Variants in UBE2R2 observed in about 807,000 individuals in gnomAD.
UBE2R2 encodes the protein ubiquitin-conjugating enzyme E2 R2.
UBE2R2 carries 1 observed loss-of-function variant against 27.8 expected under a neutral mutation model. The observed-to-expected ratio is 0.04, with a 90% CI of 0.01 to 0.17. UBE2R2 has a LOEUF of 0.17. Among genes scored for constraint, UBE2R2 ranks in the 10% least tolerant of loss-of-function variants. UBE2R2 has a pLI of 1.00. For missense variants in UBE2R2, 100 were observed against 291.0 expected (o/e 0.34, Z 4.78); for synonymous variants, 106 against 113.3 (o/e 0.94, Z 0.41).
At chr9:33,887,553 T>G (rs899542507) in intron 2 of UBE2R2, among the ~76,000 whole-genome samples, 2 of 152,380 alleles carry the variant, frequency 1.3e-5, no homozygotes, top group Middle Eastern at 6.8e-3. Flanking sequence ...ATAAGGATAC[T>G]AGAATAATGC....
chr9:33,914,035 T>G (rs941034994), intron 4 of UBE2R2, among the ~76,000 whole-genome samples: 4 of 152,210 alleles, frequency 2.6e-5, no homozygotes, highest in African/African-American at 9.6e-5. Flanking sequence ...TATTTCTTAA[T>G]TTGTTTAAGG....
Position 33,918,355 on chromosome 9 carries a change from G to A in UBE2R2, c.*1118G>A, listed in dbSNP as rs1587489468. ...TAGTGAAAAACTTGGATGTGTGTGA[G>A]ACGAGTTACCGCCTTCTTCATTGGA... is the stretch of plus-strand genomic sequence containing the variant. On this transcript the variant is annotated 3_prime_UTR_variant, in exon 5 of 5. Transcript: ENST00000263228. 1 of 152,140 alleles carries A rather than the reference G, an allele frequency of 6.6e-6. No homozygotes were observed. The highest frequency in any genetic ancestry group is 1.5e-5 in the Non-Finnish European group (1 of 68,020). The allele number at this position is 152,140 out of a possible 1,614,324, so 9.4% of individuals were successfully genotyped here.
intron 1 of UBE2R2, among the ~76,000 whole-genome samples, chr9:33,879,973 C>T (rs1419287177): frequency 2.0e-5 from 3 of 151,636 alleles, no homozygotes; most frequent in Admixed American, 2.0e-4. Flanking sequence ...GCCTCAACCT[C>T]CCAAACTTAA....
chr9:33,912,937 CCT>C (rs1255469869), intron 4 of UBE2R2, among the ~76,000 whole-genome samples: 1 of 152,018 alleles, frequency 6.6e-6, no homozygotes, highest in Non-Finnish European at 1.5e-5. Context: ...CTACCCTCCA[CCT>C]CTTTTTTATT....
chr9:33,879,274 G>A (rs538299714), intron 1 of UBE2R2, among the ~76,000 whole-genome samples: 7 of 152,200 alleles, frequency 4.6e-5, no homozygotes, highest in Admixed American at 4.6e-4. Flanking sequence ...TTAAGTAAGG[G>A]TCGCTTAAGA....
chr9:33,860,414 CT>C (rs972123295), intron 1 of UBE2R2, among the ~76,000 whole-genome samples: 1 of 152,120 alleles, frequency 6.6e-6, no homozygotes, highest in Non-Finnish European at 1.5e-5. Context: ...CCCTACCACT[CT>C]TTGGCTGTGT....
chr9:33,825,843 C>CTT (rs1253780248), intron 1 of UBE2R2, among the ~76,000 whole-genome samples: 1 of 152,094 alleles, frequency 6.6e-6, no homozygotes, highest in African/African-American at 2.4e-5. Context: ...ACAGAGATAT[C>CTT]TGAGTTGGTT....
chr9:33,848,677 C>G (rs1462490070), intron 1 of UBE2R2, among the ~76,000 whole-genome samples: 1 of 151,712 alleles, frequency 6.6e-6, no homozygotes, highest in Non-Finnish European at 1.5e-5. Flanking sequence ...TCTCGGCTCG[C>G]TGCAACCTCT....
intron 3 of UBE2R2, among the ~76,000 whole-genome samples, chr9:33,902,198 C>G (rs780804202): frequency 5.9e-5 from 9 of 151,980 alleles, no homozygotes; most frequent in Non-Finnish European, 8.8e-5. Flanking sequence ...ATAGGTGTGC[C>G]CCAAAGCACC....
intron 1 of UBE2R2, among the ~76,000 whole-genome samples, chr9:33,869,420 A>G (rs565875862): frequency 1.9e-4 from 26 of 135,564 alleles, no homozygotes; most frequent in African/African-American, 4.1e-4. Flanking sequence ...TACATATACA[A>G]TGTTTTATTT....
chr9:33,817,784 G>C lies in UBE2R2; in HGVS notation c.27G>C (p.Ser9=). 6.2e-7 allele frequency: 1 copy of C among 1,601,534 alleles called. No individual in the cohort carries two copies. Among genetic ancestry groups the C allele is most frequent in the South Asian group, 1.1e-5 (1 of 89,856 alleles). The change falls in exon 1 of 5, where the codon TCG becomes TCC. Residue 9 remains serine, a synonymous_variant. Coordinates refer to ENST00000263228, the MANE Select transcript of UBE2R2 (RefSeq NM_017811.4). ...TGGCCCAGCAGCAGATGACCAGCTC[G>C]CAGAAGGCCCTGATGCTCGAGCTGA... MAQQQMTS[S]QKALMLELKS...
chr9:33,846,043 G>A (rs1360651420), intron 1 of UBE2R2, among the ~76,000 whole-genome samples: 1 of 151,472 alleles, frequency 6.6e-6, no homozygotes. Context: ...GGAAAATGGC[G>A]TGAACTCGGG....
Position 33,900,155 on chromosome 9 carries a change from T to A in UBE2R2, c.265-19T>A, listed in dbSNP as rs975187403. 6.3e-7 allele frequency: 1 copy of A among 1,596,312 alleles called. No homozygotes were observed. The highest frequency in any genetic ancestry group is 1.1e-5 in the South Asian group (1 of 90,420). ...TCACTTTTTGAGTATTTACTGAATG[T>A]AATGTTTGTGTCTTGTAGAATGGAG... On this transcript the variant is annotated intron_variant, in intron 2 of 4. Coordinates refer to ENST00000263228, the MANE Select transcript of UBE2R2 (RefSeq NM_017811.4).
chr9:33,888,500 C>T, intron 2 of UBE2R2, among the ~76,000 whole-genome samples: 1 of 151,960 alleles, frequency 6.6e-6, no homozygotes, highest in East Asian at 1.9e-4. Context: ...GCTAACATCA[C>T]CTTTAAATTA....
chr9:33,898,781 G>A (rs10971773), intron 2 of UBE2R2, among the ~76,000 whole-genome samples: 12,002 of 152,186 alleles, frequency 0.079, 685 homozygotes, highest in Non-Finnish European at 0.12. Context: ...ACAGAAAGAA[G>A]TTAAATAAAT....
At chr9:33,870,918 A>G (rs7856155) in intron 1 of UBE2R2, among the ~76,000 whole-genome samples, 1 of 152,196 alleles carries the variant, frequency 6.6e-6, no homozygotes, top group Non-Finnish European at 1.5e-5. Context: ...AATCAATTAC[A>G]GAGTCTCATT....
chr9:33,893,827 T>A (rs1321295444), intron 2 of UBE2R2, among the ~76,000 whole-genome samples: 3 of 152,166 alleles, frequency 2.0e-5, no homozygotes, highest in Non-Finnish European at 4.4e-5. Context: ...AGACGGGATT[T>A]TGCCATGTTG....
chr9:33,840,569 C>T (rs1005659665), intron 1 of UBE2R2, among the ~76,000 whole-genome samples: 2 of 152,118 alleles, frequency 1.3e-5, no homozygotes, highest in Non-Finnish European at 2.9e-5. Flanking sequence ...GACTCTGGTT[C>T]GGTCTCTTTA....
At chr9:33,844,424 G>A (rs1407086841) in intron 1 of UBE2R2, among the ~76,000 whole-genome samples, 2 of 151,240 alleles carry the variant, frequency 1.3e-5, no homozygotes, top group Non-Finnish European at 2.9e-5. Context: ...GGCTGGTCTC[G>A]AACTCCTGAC....
Sources: gnomAD v4.1 joint callset for allele counts (sites outside exome capture counted in the v4.1 genomes callset) on GRCh38, gnomAD v4.1.1 for gene constraint, MANE v1.5 for transcripts, NCBI Gene and HGNC (gene_info 2026-07-23, HGNC 2026-07-21) for gene names.